PCDH15: variants seen among roughly 807,000 people sequenced by gnomAD.
PCDH15 encodes protocadherin related 15.
In PCDH15, 129 loss-of-function variants were observed where a neutral mutation model predicts 178.5. The ratio of observed to expected loss-of-function variants is 0.72; its 90% CI spans 0.63 to 0.84. The LOEUF (loss-of-function observed/expected upper bound fraction) is 0.84. Ranked by LOEUF, PCDH15 falls within the 40% of genes least tolerant of loss-of-function variation. The pLI is 0.00. For missense variants in PCDH15, 2,230 were observed against 2,099.9 expected (o/e 1.06, Z -1.21); for synonymous variants, 800 against 732.0 (o/e 1.09, Z -1.50).
At chr10:55,347,497 A>C (rs1271730366) in intron 2 of PCDH15, among the ~76,000 whole-genome samples, 1 of 152,204 alleles carries the variant, frequency 6.6e-6, no homozygotes, top group South Asian at 2.1e-4. Flanking sequence ...AAATAAATAC[A>C]TACTATTTTT....
chr10:54,202,812 C>CAAAA lies in PCDH15; in HGVS notation c.1099-6927_1099-6924dup, dbSNP rs36086266. ...GAGCAACAAGAGCGAAACCCCACCTCAAAAAAAAAAAAAAAAAAAGTAGTT... is the reference window on the plus strand; with the variant it reads ...GAGCAACAAGAGCGAAACCCCACCTCAAAAAAAAAAAAAAAAAAAAAAAGTAGTT... On this transcript the variant is annotated intron_variant, in intron 10 of 37. Coordinates refer to ENST00000644397, the MANE Select transcript of PCDH15 (RefSeq NM_001384140.1). Among the ~76,000 whole-genome samples the CAAAA allele has an allele frequency of 6.6e-5, 7 of 106,186 alleles. 2 individuals carry two copies. Among genetic ancestry groups the CAAAA allele is most frequent in the Admixed American group, 1.0e-4 (1 of 9,566 alleles). 69.7% of individuals were successfully genotyped at this position (106,186 alleles called of 152,430 possible).
chr10:55,560,008 T>A (rs994664843), intron 2 of PCDH15, among the ~76,000 whole-genome samples: 1 of 151,932 alleles, frequency 6.6e-6, no homozygotes, highest in African/African-American at 2.4e-5. Context: ...TGTAGGCCAT[T>A]AAGGACAAAC....
chr10:54,767,342 G>A (rs1245357951), intron 1 of PCDH15, among the ~76,000 whole-genome samples: 2 of 152,106 alleles, frequency 1.3e-5, no homozygotes, highest in Non-Finnish European at 2.9e-5. Context: ...TTAAATGAAA[G>A]TATCAAACAG....
rs77384486 is a variant in PCDH15, at chr10:54,067,215, C to T, written c.2092-330G>A. Among the ~76,000 whole-genome samples, 716 of 152,178 alleles carry T rather than the reference C, an allele frequency of 4.7e-3. 6 individuals carry two copies. Among genetic ancestry groups the T allele is most frequent in the African/African-American group, 0.016 (677 of 41,524 alleles). ...GGTGGCAAGCTTTTGTTTATACACA[C>T]GTACACTGCTTTATCTCTGAAATGT... On this transcript the variant is annotated intron_variant, in intron 17 of 37. Coordinates refer to ENST00000644397, the MANE Select transcript of PCDH15 (RefSeq NM_001384140.1).
intron 3 of PCDH15, among the ~76,000 whole-genome samples, chr10:54,460,692 T>C (rs1182961837): frequency 6.6e-6 from 1 of 152,068 alleles, no homozygotes; most frequent in Non-Finnish European, 1.5e-5. Context: ...GAAATAACTT[T>C]CATCTCTCTG....
In PCDH15 at chr10:55,577,866, A is replaced by G. The variant is rs542917184; in HGVS notation, c.-156+49759T>C. The stretch of plus-strand genomic sequence containing the variant: ...TGAATCTTTTCACAGTAGTAAATTA[A>G]ATGATTTGAATTTCTGAACCCTTCA... On this transcript the variant is annotated intron_variant, in intron 2 of 5. Coordinates refer to the PCDH15 transcript ENST00000613346. Among the ~76,000 whole-genome samples the G allele has an allele frequency of 5.2e-3, 791 of 152,284 alleles. 7 individuals are homozygous for G. Among genetic ancestry groups the G allele is most frequent in the African/African-American group, 0.018 (764 of 41,558 alleles).
chr10:54,116,491 G>A (rs775941566), intron 15 of PCDH15, among the ~76,000 whole-genome samples: 3 of 152,232 alleles, frequency 2.0e-5, no homozygotes, highest in Non-Finnish European at 2.9e-5. Context: ...AGTATTGCAT[G>A]CTGATGGAAA....
At chr10:54,931,141 C>A (rs1837763829) in intron 2 of PCDH15, among the ~76,000 whole-genome samples, 2 of 152,156 alleles carry the variant, frequency 1.3e-5, no homozygotes, top group African/African-American at 4.8e-5. Context: ...AACCACATTT[C>A]TGAGCATTTG....
chr10:55,433,079 C>T (rs1370929897), intron 2 of PCDH15, among the ~76,000 whole-genome samples: 3 of 151,722 alleles, frequency 2.0e-5, no homozygotes, highest in Non-Finnish European at 4.4e-5. Context: ...AGCATTCGAC[C>T]CAGCAATTTC....
intron 2 of PCDH15, among the ~76,000 whole-genome samples, chr10:55,468,169 C>T (rs1839878959): frequency 6.6e-6 from 1 of 151,966 alleles, no homozygotes; most frequent in Non-Finnish European, 1.5e-5. Flanking sequence ...TATGTTCAAA[C>T]AGCTTTATTC....
intron 2 of PCDH15, among the ~76,000 whole-genome samples, chr10:55,537,895 G>C (rs1589120919): frequency 6.6e-6 from 1 of 151,942 alleles, no homozygotes; most frequent in African/African-American, 2.4e-5. Context: ...TTTATTTATC[G>C]ATTTGTTCTA....
intron 1 of PCDH15, among the ~76,000 whole-genome samples, chr10:54,796,270 CTATG>C (rs1186318257): frequency 0.017 from 1,368 of 79,668 alleles, 9 homozygotes; most frequent in African/African-American, 0.036. Flanking sequence ...ATCTATCTAT[CTATG>C]TATCTATGTA....
At chr10:54,867,932 C>A in intron 3 of PCDH15, among the ~76,000 whole-genome samples, 1 of 152,166 alleles carries the variant, frequency 6.6e-6, no homozygotes, top group East Asian at 1.9e-4. Context: ...TTCTTGTATA[C>A]CTGAAAATTG....
intron 7 of PCDH15, among the ~76,000 whole-genome samples, chr10:54,324,231 T>A (rs1302600797): frequency 2.6e-5 from 4 of 152,078 alleles, no homozygotes; most frequent in African/African-American, 9.7e-5. Context: ...GAAAATTAAT[T>A]TTACCTATAC....
intron 1 of PCDH15, among the ~76,000 whole-genome samples, chr10:55,256,439 G>A (rs991422330): frequency 7.9e-5 from 12 of 152,278 alleles, no homozygotes; most frequent in African/African-American, 2.6e-4. Context: ...CGCCTCACCC[G>A]GGAAGTACAA....
chr10:55,292,612 C>T (rs1262923779), intron 1 of PCDH15, among the ~76,000 whole-genome samples: 1 of 152,120 alleles, frequency 6.6e-6, no homozygotes, highest in Non-Finnish European at 1.5e-5. Context: ...GAAATTCTAA[C>T]CTCAGGTGAT....
intron 15 of PCDH15, among the ~76,000 whole-genome samples, chr10:54,105,896 G>A (rs561919891): frequency 1.4e-4 from 21 of 152,210 alleles, no homozygotes; most frequent in Admixed American, 1.0e-3. Context: ...CCCCATGACC[G>A]TCAGCTGATG....
At chr10:54,388,834 A>T (rs1383504100) in intron 3 of PCDH15, among the ~76,000 whole-genome samples, 1 of 152,166 alleles carries the variant, frequency 6.6e-6, no homozygotes, top group Non-Finnish European at 1.5e-5. Flanking sequence ...ATCCATACTG[A>T]ATCATATTTA....
intron 1 of PCDH15, among the ~76,000 whole-genome samples, chr10:55,282,770 T>G (rs1415257076): frequency 5.3e-5 from 8 of 152,316 alleles, no homozygotes. Flanking sequence ...TCAGTAAGTT[T>G]AAGCGAGAGC....
Sources: allele counts gnomAD v4.1 joint callset (sites outside exome capture counted in the v4.1 genomes callset), GRCh38; gene constraint gnomAD v4.1.1; transcripts MANE v1.5; gene names NCBI Gene and HGNC (gene_info 2026-07-23, HGNC 2026-07-21).